Variants in DNAJC13 observed in about 807,000 individuals in gnomAD.
DNAJC13 encodes dnaJ homolog subfamily C member 13.
In DNAJC13, 75 loss-of-function variants were observed where a neutral mutation model predicts 290.5. That is an observed-to-expected ratio of 0.26 (90% CI 0.21 to 0.31). The LOEUF (loss-of-function observed/expected upper bound fraction) is 0.31, where lower values mean the gene tolerates loss of function less well. DNAJC13 is among the 10% of genes least tolerant of loss of function. The pLI, the probability that DNAJC13 is intolerant of heterozygous loss-of-function variation, is 1.00. For synonymous variants in DNAJC13, 862 were observed against 892.0 expected, an observed-to-expected ratio of 0.97 and a Z score of 0.60; for missense variants, 2,260 against 2,674.5, an observed-to-expected ratio of 0.85 and a Z score of 3.42.
intron 54 of DNAJC13, among the ~76,000 whole-genome samples, chr3:132,529,590 ATC>A (rs1455558441): frequency 6.6e-6 from 1 of 152,174 alleles, no homozygotes; most frequent in Non-Finnish European, 1.5e-5. Flanking sequence ...GATCAAGACC[ATC>A]TTGGCTAACA....
chr3:132,465,569 C>T lies in DNAJC13; in HGVS notation c.1893-426C>T, dbSNP rs111780942. On this transcript the variant is annotated intron_variant, in intron 17 of 55. Transcript: ENST00000260818. ...AATTTTCTCTCTGATCTTGCCAAAACGGTTATATTAGAACAGTTGTTGACT... is the reference window on the plus strand; with the variant it reads ...AATTTTCTCTCTGATCTTGCCAAAATGGTTATATTAGAACAGTTGTTGACT... 6.0e-3 allele frequency among the ~76,000 whole-genome samples: 918 copies of T among 152,164 alleles called. 9 individuals are homozygous for T. Among genetic ancestry groups the T allele is most frequent in the East Asian group, 0.029 (151 of 5,178 alleles).
At chr3:132,418,203 C>G (rs1183238886) in intron 1 of DNAJC13, among the ~76,000 whole-genome samples, 3 of 152,170 alleles carry the variant, frequency 2.0e-5, no homozygotes, top group Non-Finnish European at 2.9e-5. Flanking sequence ...GACTGACTTT[C>G]TTTGCTTTGT....
intron 3 of DNAJC13, 35 bp downstream of exon 3, chr3:132,446,585 A>G: frequency 6.8e-7 from 1 of 1,462,448 alleles, no homozygotes; most frequent in East Asian, 2.3e-5. Context: ...TGTTTGTATG[A>G]ACTCCCTTTG....
At chr3:132,497,417 G>A (rs1454804732) in intron 36 of DNAJC13, among the ~76,000 whole-genome samples, 1 of 152,180 alleles carries the variant, frequency 6.6e-6, no homozygotes, top group African/African-American at 2.4e-5. Flanking sequence ...GGTATGTTGG[G>A]AGAGAAGGAA....
chr3:132,483,551 C>G lies in DNAJC13; in HGVS notation c.3156C>G (p.Ile1052Met). Residue 1052 changes from isoleucine (I) to methionine (M), a missense_variant, in exon 28 of 56, where the codon ATC becomes ATG. By Grantham distance (10) the Ile-to-Met change is conservative (BLOSUM62 1). Transcript: ENST00000260818. The part of the protein sequence containing the change: ...DLATLILNML[I>M]TMCGYFPSRD... ...CTACCCTTATATTGAACATGTTGATCACAATGTGTGGATATTTTCCAAGCA... is the reference window on the plus strand; with the variant it reads ...CTACCCTTATATTGAACATGTTGATGACAATGTGTGGATATTTTCCAAGCA... 3.7e-6 allele frequency: 6 copies of G among 1,614,024 alleles called. No individual in the cohort carries two copies. The highest frequency in any genetic ancestry group is 3.4e-6 in the Non-Finnish European group (4 of 1,179,952).
Position 132,478,216 on chromosome 3 carries a change from A to G in DNAJC13, c.2709+76A>G, listed in dbSNP as rs918811984. ...GTGTTAAATTTTAAAAACTAAATTT[A>G]AATTCTGTTTGATCACATTATTACT... On this transcript the variant is annotated intron_variant, in intron 24 of 55. Transcript: ENST00000260818. 3.2e-5 allele frequency: 42 copies of G among 1,310,920 alleles called. No homozygotes were observed. In the South Asian group the frequency reaches 6.4e-4, roughly 20 times the overall value. 81.2% of individuals were successfully genotyped at this position (1,310,920 alleles called of 1,614,324 possible). A position where few individuals can be genotyped will look rare whatever the true frequency, so the allele number is the denominator to read the frequency against.
At chr3:132,514,868 G>A in intron 46 of DNAJC13, 198 bp downstream of exon 46, 3 of 465,484 alleles carry the variant, frequency 6.4e-6, no homozygotes, top group Non-Finnish European at 7.5e-6. Flanking sequence ...TTGAAAGTTG[G>A]GGGTGAGAGA....
rs1430043046 is a variant in DNAJC13 at position 132,531,103 on chromosome 3, C to T, written c.6625+6C>T. The T allele has an allele frequency of 1.2e-6, 2 of 1,612,858 alleles. No individual in the cohort carries two copies. The highest frequency in any genetic ancestry group is 1.3e-5 in the African/African-American group (1 of 74,906). On this transcript the variant is annotated splice_donor_region_variant and intron_variant, in intron 55 of 55. Transcript: ENST00000260818. The stretch of plus-strand genomic sequence containing the variant: ...AACAGCAGGATACCTCACAGGTAAG[C>T]CATACCTAATTGGTTATTGTAAGAC...
chr3:132,440,661 A>G lies in DNAJC13; in HGVS notation c.69-5814A>G, dbSNP rs373738309. Among the ~76,000 whole-genome samples the G allele has an allele frequency of 1.4e-4, 22 of 152,378 alleles. No homozygotes were observed. The East Asian group carries it at 2.3e-3, about 16-fold the overall frequency. On this transcript the variant is annotated intron_variant, in intron 2 of 55. Coordinates refer to ENST00000260818, the MANE Select transcript of DNAJC13 (RefSeq NM_015268.4). ...GCCTAGGAGTGTAGTAGGCTATACTATCTAGGTTTGTGTAAGTACAAAACT... is the reference window on the plus strand; with the variant it reads ...GCCTAGGAGTGTAGTAGGCTATACTGTCTAGGTTTGTGTAAGTACAAAACT...
At chr3:132,507,052 G>T (rs950371650) in intron 42 of DNAJC13, among the ~76,000 whole-genome samples, 185 bp from the exon 43 acceptor site, 6 of 152,064 alleles carry the variant, frequency 3.9e-5, no homozygotes, top group African/African-American at 1.4e-4. Flanking sequence ...AGTAATATTT[G>T]GGATAAAAAA....
At chr3:132,490,528 C>A (rs894545084) in intron 31 of DNAJC13, among the ~76,000 whole-genome samples, 1 of 152,176 alleles carries the variant, frequency 6.6e-6, no homozygotes, top group Non-Finnish European at 1.5e-5. Context: ...GGACCTACAG[C>A]CAACAATATA....
At position 132,536,572 on chromosome 3, in the gene DNAJC13, T is replaced by C. The variant is rs114648370; in HGVS notation, c.6626-1604T>C. On this transcript the variant is annotated intron_variant, in intron 55 of 55. Transcript: ENST00000260818. ...AAGTTGAGCCCACAATCAGAATTGC[T>C]CAGAAACTACACAGTCTGGAGTGTT... is the stretch of plus-strand genomic sequence containing the variant. 4.2e-3 allele frequency among the ~76,000 whole-genome samples: 646 copies of C among 152,296 alleles called. 3 individuals carry two copies. Among genetic ancestry groups the C allele is most frequent in the African/African-American group, 0.015 (608 of 41,562 alleles).
In DNAJC13 at chr3:132,496,668, G is replaced by A; in HGVS notation, c.4156+5G>A. The stretch of plus-strand genomic sequence containing the variant: ...TCTTCAACCGTCATAAAGAAGGTAA[G>A]ATGTCTGTTCTCAGATTTTAATTTA... On this transcript the variant is annotated splice_donor_5th_base_variant and intron_variant, in intron 36 of 55. Coordinates refer to ENST00000260818, the MANE Select transcript of DNAJC13 (RefSeq NM_015268.4). The A allele has an allele frequency of 6.3e-7, 1 of 1,596,952 alleles. No homozygotes were observed. Among genetic ancestry groups the A allele is most frequent in the Non-Finnish European group, 8.5e-7 (1 of 1,173,086 alleles).
chr3:132,484,681 T>C lies in DNAJC13; in HGVS notation c.3267+9T>C, dbSNP rs1191657536. On this transcript the variant is annotated intron_variant, in intron 29 of 55. Coordinates refer to ENST00000260818, the MANE Select transcript of DNAJC13 (RefSeq NM_015268.4). Reference sequence around the variant, plus strand: ...TTCCCCATATTATTCAGGTGAGTTATGTAATCAAACTAGGAGCAATTTTAA... The same window carrying C: ...TTCCCCATATTATTCAGGTGAGTTACGTAATCAAACTAGGAGCAATTTTAA... The C allele has an allele frequency of 6.2e-7, 1 of 1,608,412 alleles. No homozygotes were observed. The highest frequency in any genetic ancestry group is 2.2e-5 in the East Asian group (1 of 44,832).
intron 55 of DNAJC13, 103 bp downstream of exon 55, chr3:132,531,200 G>A: frequency 1.0e-6 from 1 of 958,498 alleles, no homozygotes; most frequent in Non-Finnish European, 1.6e-6. Flanking sequence ...GTGTTTCTTA[G>A]GCTACCAGCT....
At chr3:132,532,594 TAGG>T (rs1008838230) in intron 55 of DNAJC13, among the ~76,000 whole-genome samples, 3 of 152,144 alleles carry the variant, frequency 2.0e-5, no homozygotes, top group Non-Finnish European at 4.4e-5. Context: ...AGCTTCTAAG[TAGG>T]AGTTTGTTCT....
At chr3:132,482,414 T>C (rs1280245609) in intron 27 of DNAJC13, 84 bp downstream of exon 27, 6 of 1,031,744 alleles carry the variant, frequency 5.8e-6, no homozygotes, top group Non-Finnish European at 8.5e-6. Flanking sequence ...CGTGGAATGT[T>C]TTAAAGCTGT....
intron 39 of DNAJC13, among the ~76,000 whole-genome samples, chr3:132,501,216 G>T (rs1246860426): frequency 6.6e-6 from 1 of 152,074 alleles, no homozygotes; most frequent in African/African-American, 2.4e-5. Flanking sequence ...AAAGCAAAAG[G>T]CCAGCCCGGT....
chr3:132,520,222 C>A (rs748845409), intron 48 of DNAJC13, among the ~76,000 whole-genome samples: 1 of 152,166 alleles, frequency 6.6e-6, no homozygotes, highest in East Asian at 1.9e-4. Context: ...TCTGTTGTGA[C>A]AGGAAAATAG....
Sources: gnomAD v4.1 joint callset for allele counts (sites outside exome capture counted in the v4.1 genomes callset) on GRCh38, gnomAD v4.1.1 for gene constraint, MANE v1.5 for transcripts, NCBI Gene and HGNC (gene_info 2026-07-23, HGNC 2026-07-21) for gene names.